ASCC3: variants seen among roughly 807,000 people sequenced by gnomAD.
ASCC3 encodes the protein activating signal cointegrator 1 complex subunit 3.
In ASCC3, 158 loss-of-function variants were observed where a neutral mutation model predicts 256.3. The observed-to-expected ratio is 0.62, with a 90% confidence interval of 0.54 to 0.70. ASCC3 has a LOEUF of 0.70. Among genes scored for constraint, ASCC3 ranks in the 30% least tolerant of loss-of-function variants. The pLI is 0.00. For missense variants in ASCC3, 2,259 were observed against 2,626.0 expected (o/e 0.86, Z 3.05); for synonymous variants, 948 against 883.4 (o/e 1.07, Z -1.30).
At chr6:100,772,291 C>T (rs980225020) in intron 8 of ASCC3, among the ~76,000 whole-genome samples, 1 of 152,140 alleles carries the variant, frequency 6.6e-6, no homozygotes, top group Non-Finnish European at 1.5e-5. Context: ...ATACACCTAA[C>T]ATACCCCTTT....
intron 10 of ASCC3, among the ~76,000 whole-genome samples, chr6:100,752,963 T>C (rs987891073): frequency 2.6e-5 from 4 of 152,132 alleles, no homozygotes; most frequent in African/African-American, 9.7e-5. Flanking sequence ...TCCTTCTGTA[T>C]AGTATAATTC....
chr6:100,851,386 C>G (rs1454768113), intron 3 of ASCC3, among the ~76,000 whole-genome samples: 1 of 152,092 alleles, frequency 6.6e-6, no homozygotes, highest in Non-Finnish European at 1.5e-5. Context: ...TATTAGGTTA[C>G]TGGTTGAATT....
At chr6:100,825,536 G>A (rs1051222863) in intron 4 of ASCC3, among the ~76,000 whole-genome samples, 5 of 152,106 alleles carry the variant, frequency 3.3e-5, no homozygotes, top group African/African-American at 1.2e-4. Context: ...GCCTTTAACA[G>A]TTTTTCCATC....
intron 10 of ASCC3, among the ~76,000 whole-genome samples, chr6:100,736,060 C>T (rs1334834909): frequency 1.3e-5 from 2 of 152,160 alleles, no homozygotes; most frequent in East Asian, 3.9e-4. Flanking sequence ...TCCACAATGC[C>T]TGGAAGTGGT....
At chr6:100,517,307 C>A (rs1412176260) in intron 38 of ASCC3, among the ~76,000 whole-genome samples, 1 of 152,082 alleles carries the variant, frequency 6.6e-6, no homozygotes, top group Non-Finnish European at 1.5e-5. Flanking sequence ...TGACGGCAAG[C>A]TACGGCCAGA....
intron 4 of ASCC3, among the ~76,000 whole-genome samples, chr6:100,816,765 G>A (rs1465417825): frequency 6.6e-6 from 1 of 152,028 alleles, no homozygotes; most frequent in Non-Finnish European, 1.5e-5. Context: ...GGTAGAGGGT[G>A]GGAGGAGAGA....
intron 1 of ASCC3, among the ~76,000 whole-genome samples, chr6:100,877,470 G>A (rs984045121): frequency 2.0e-5 from 3 of 152,084 alleles, no homozygotes; most frequent in African/African-American, 4.8e-5. Flanking sequence ...TTGTGATATT[G>A]TTAACATTAG....
intron 10 of ASCC3, among the ~76,000 whole-genome samples, chr6:100,763,521 C>T (rs528268641): frequency 3.3e-5 from 5 of 152,154 alleles, no homozygotes; most frequent in East Asian, 1.9e-4. Flanking sequence ...TCTTGGAAGG[C>T]AGGAGGTTTT....
chr6:100,879,045 C>G (rs1053939147), intron 1 of ASCC3, among the ~76,000 whole-genome samples: 3 of 152,180 alleles, frequency 2.0e-5, no homozygotes, highest in Admixed American at 2.0e-4. Context: ...ACATGACCCC[C>G]CTCCTTGGGT....
At position 100,644,104 on chromosome 6, in the gene ASCC3, C is replaced by T. The variant is rs1677239137; in HGVS notation, c.3659G>A (p.Trp1220Ter). ...DQVHGTVGEP[W>*]WIWVEDPTND... ...TGTAGGATCTTCTACCCAAATCCAC[C>T]AAGGTTCTCCTACTGTCCCATGTAC... Residue 1220 changes from tryptophan to a stop codon, truncating the protein, a stop_gained, in exon 23 of 42, where the codon TGG becomes TAG. Transcript: ENST00000369162. LOFTEE classifies it high-confidence loss of function. The T allele has an allele frequency of 1.9e-6, 3 of 1,612,434 alleles. No homozygotes were observed. The highest frequency in any genetic ancestry group is 1.3e-5 in the African/African-American group (1 of 74,816).
At chr6:100,609,061 C>T (rs968641700) in intron 30 of ASCC3, among the ~76,000 whole-genome samples, 1 of 151,490 alleles carries the variant, frequency 6.6e-6, no homozygotes, top group Admixed American at 6.6e-5. Flanking sequence ...CGCGCCTGGC[C>T]TGCTATAAAT....
intron 30 of ASCC3, among the ~76,000 whole-genome samples, chr6:100,616,690 C>T (rs1197963452): frequency 6.6e-6 from 1 of 152,128 alleles, no homozygotes; most frequent in African/African-American, 2.4e-5. Flanking sequence ...CTTTAGAGCA[C>T]AACTTAAAAC....
chr6:100,560,722 T>C (rs1343421652), intron 36 of ASCC3, among the ~76,000 whole-genome samples: 1 of 146,836 alleles, frequency 6.8e-6, no homozygotes, highest in Non-Finnish European at 1.5e-5. Flanking sequence ...GCTAAAGTCA[T>C]AGTCAAACCC....
chr6:100,623,187 A>G (rs900218583), intron 30 of ASCC3, among the ~76,000 whole-genome samples: 3 of 152,192 alleles, frequency 2.0e-5, no homozygotes, highest in East Asian at 1.9e-4. Flanking sequence ...TCAGATATCA[A>G]TTAAATAATA....
Position 100,848,147 on chromosome 6 carries a change from C to A in ASCC3, c.801+1G>T, listed in dbSNP as rs1432792609. ...AAAAAAATAAATCATTTCAACTATA[C>A]CTCATCCTGAAGTTCATCACCACTT... On this transcript the variant is annotated splice_donor_variant, in intron 4 of 41. Transcript: ENST00000369162. LOFTEE classifies it high-confidence loss of function. 1 of 1,583,752 alleles carries A rather than the reference C, an allele frequency of 6.3e-7. No homozygotes were observed. The highest frequency in any genetic ancestry group is 8.6e-7 in the Non-Finnish European group (1 of 1,168,572).
chr6:100,541,602 C>T (rs1344623513), intron 36 of ASCC3, among the ~76,000 whole-genome samples: 1 of 152,134 alleles, frequency 6.6e-6, no homozygotes, highest in Non-Finnish European at 1.5e-5. Flanking sequence ...AAGGATCAAA[C>T]AGCTTCCAAG....
In ASCC3 at chr6:100,679,610, T is replaced by G. The variant is rs771122274; in HGVS notation, c.2286+8A>C. The G allele has an allele frequency of 1.2e-6, 2 of 1,613,482 alleles. No individual in the cohort carries two copies. Among genetic ancestry groups the G allele is most frequent in the Non-Finnish European group, 1.7e-6 (2 of 1,179,596 alleles). On this transcript the variant is annotated splice_region_variant and intron_variant, in intron 14 of 41. Coordinates refer to ENST00000369162, the MANE Select transcript of ASCC3 (RefSeq NM_006828.4). Reference sequence around the variant, plus strand: ...CATGCTTTAGTTCTTGTCCTCTTTGTTTCTTACCTGTTTTTCTGCAAGTAC... The same window carrying G: ...CATGCTTTAGTTCTTGTCCTCTTTGGTTCTTACCTGTTTTTCTGCAAGTAC...
chr6:100,535,780 A>C (rs1276695044), intron 37 of ASCC3, among the ~76,000 whole-genome samples: 2 of 152,108 alleles, frequency 1.3e-5, no homozygotes, highest in African/African-American at 4.8e-5. Flanking sequence ...GCTGGTTTTC[A>C]TCTCTTTACA....
intron 36 of ASCC3, among the ~76,000 whole-genome samples, chr6:100,560,534 C>T (rs1463665938): frequency 6.6e-6 from 1 of 152,030 alleles, no homozygotes; most frequent in Non-Finnish European, 1.5e-5. Context: ...GCAGCACTCC[C>T]ACTGGGATAC....
Sources: allele counts gnomAD v4.1 joint callset (sites outside exome capture counted in the v4.1 genomes callset), GRCh38; gene constraint gnomAD v4.1.1; transcripts MANE v1.5; gene names NCBI Gene and HGNC (gene_info 2026-07-23, HGNC 2026-07-21).